Variants in CARNMT1 observed in about 807,000 individuals in gnomAD.
The protein encoded by CARNMT1 is protein-L-histidine N-pros-methyltransferase CARNMT1.
In CARNMT1, 28 loss-of-function variants were observed where a neutral mutation model predicts 49.6. The observed-to-expected ratio is 0.56, with a 90% CI of 0.42 to 0.77. CARNMT1 has a LOEUF of 0.77. CARNMT1 is among the 30% of genes least tolerant of loss of function. The probability of loss-of-function intolerance (pLI) is 0.00; values close to 1 mark genes in which losing one functional copy is unlikely to be tolerated. For synonymous variants in CARNMT1, 178 were observed against 175.0 expected (o/e 1.02, Z -0.13); for missense variants, 421 against 512.6 (o/e 0.82, Z 1.73).
rs1822581572 is a variant in CARNMT1, at chr9:75,028,004, C to T, written c.230+8G>A. On this transcript the variant is annotated splice_region_variant and intron_variant, in intron 1 of 7. Coordinates refer to ENST00000376834, the MANE Select transcript of CARNMT1 (RefSeq NM_152420.3). ...GGTCTGGGCCGGGGTCCGCCACGGGCTCCTTACCCGTAGTAGCGGAAGGCA... is the reference window on the plus strand; with the variant it reads ...GGTCTGGGCCGGGGTCCGCCACGGGTTCCTTACCCGTAGTAGCGGAAGGCA... 6.4e-7 allele frequency: 1 copy of T among 1,561,358 alleles called. No homozygotes were observed. Among genetic ancestry groups the T allele is most frequent in the African/African-American group, 1.4e-5 (1 of 70,180 alleles).
chr9:74,999,972 A>G, intron 3 of CARNMT1, 102 bp from the exon 4 acceptor site: 1 of 1,051,958 alleles, frequency 9.5e-7, no homozygotes, highest in Non-Finnish European at 1.4e-6. Context: ...CTCAATAAGA[A>G]TAAGCTAAGA....
At chr9:75,004,500 T>C (rs1044379849) in intron 3 of CARNMT1, among the ~76,000 whole-genome samples, 2 of 152,226 alleles carry the variant, frequency 1.3e-5, no homozygotes, top group African/African-American at 4.8e-5. Flanking sequence ...GAAAGAAATA[T>C]GAAACACATA....
chr9:74,984,968 G>A lies in CARNMT1; in HGVS notation c.1067C>T (p.Ser356Phe). Residue 356 changes from serine to phenylalanine, a missense_variant, in exon 7 of 8, where the codon TCC becomes TTC. By Grantham distance (155) the Ser-to-Phe change is radical. This residue lies in a region of CARNMT1 where 235 missense variants were observed against 344.8 expected (regional missense o/e 0.68). Transcript: ENST00000376834. The stretch of plus-strand genomic sequence containing the variant: ...TATATCCTCATAGCTCAATTCTATG[G>A]AAAGTTCATTTGCCAGATTTTCAAA... ...YHFENLANEL[S>F]IELSYEDIKN... 1 of 1,613,812 alleles carries A rather than the reference G, an allele frequency of 6.2e-7. No individual in the cohort carries two copies. Among genetic ancestry groups the A allele is most frequent in the South Asian group, 1.1e-5 (1 of 91,076 alleles).
chr9:75,004,585 T>A (rs10869467), intron 3 of CARNMT1, among the ~76,000 whole-genome samples: 38,665 of 152,188 alleles, frequency 0.25, 6,330 homozygotes, highest in Non-Finnish European at 0.37. Flanking sequence ...TTTGGCAGTC[T>A]ACATTTTCTC....
rs1362874677 is a variant in CARNMT1 at position 74,983,407 on chromosome 9, TA to T, written c.*359del. Reference sequence around the variant, plus strand: ...AAAACAACAAAAAAAGGAAGATTATTATGTACTTCAATACTATTAGTCATTA... The same window carrying T: ...AAAACAACAAAAAAAGGAAGATTATTTGTACTTCAATACTATTAGTCATTA... On this transcript the variant is annotated 3_prime_UTR_variant, in exon 8 of 8. Transcript: ENST00000376834. The T allele has an allele frequency of 1.2e-5, 2 of 162,230 alleles. No individual in the cohort carries two copies. The highest frequency in any genetic ancestry group is 4.8e-5 in the African/African-American group (2 of 41,858). The allele number at this position is 162,230 out of a possible 1,614,324, so 10.0% of individuals were successfully genotyped here.
At position 75,004,329 on chromosome 9, in the gene CARNMT1, C is replaced by A. The variant is rs1453499469; in HGVS notation, c.591-4459G>T. 2.6e-5 allele frequency among the ~76,000 whole-genome samples: 4 copies of A among 152,314 alleles called. No individual in the cohort carries two copies. In the South Asian group the frequency reaches 8.3e-4, roughly 32 times the overall value. On this transcript the variant is annotated intron_variant, in intron 3 of 7. Coordinates refer to ENST00000376834, the MANE Select transcript of CARNMT1 (RefSeq NM_152420.3). ...CAATAAAATAAGTAAAAAATGGCAT[C>A]TTAACGTGGTTTTTACATTTGCATT...
At chr9:74,986,967 A>G (rs1048883448) in intron 6 of CARNMT1, among the ~76,000 whole-genome samples, 1 of 152,212 alleles carries the variant, frequency 6.6e-6, no homozygotes, top group Non-Finnish European at 1.5e-5. Flanking sequence ...ACCAAAGACA[A>G]CAGCTGGAGT....
At chr9:75,004,808 T>C (rs1833455537) in intron 3 of CARNMT1, among the ~76,000 whole-genome samples, 1 of 152,190 alleles carries the variant, frequency 6.6e-6, no homozygotes, top group Non-Finnish European at 1.5e-5. Context: ...TGTTTGTGTA[T>C]ATATATTAAA....
At chr9:75,026,589 A>C (rs1822535909) in intron 1 of CARNMT1, among the ~76,000 whole-genome samples, 1 of 152,202 alleles carries the variant, frequency 6.6e-6, no homozygotes, top group Non-Finnish European at 1.5e-5. Context: ...TTACTACTAA[A>C]CCTGGAGAAA....
chr9:74,985,897 G>A (rs1285265953), intron 6 of CARNMT1, among the ~76,000 whole-genome samples: 2 of 152,162 alleles, frequency 1.3e-5, no homozygotes, highest in African/African-American at 4.8e-5. Flanking sequence ...TGACTTTAAT[G>A]TGAGATAATA....
At position 74,981,251 on chromosome 9, in the gene CARNMT1, T is replaced by C. The variant is rs1832685198; in HGVS notation, c.*2516A>G. ...ATTGTACATGTTCCACCTTGCTCAC[T>C]TGATTAGCATACCCTATATCTGCAC... On this transcript the variant is annotated 3_prime_UTR_variant, in exon 8 of 8. Transcript: ENST00000376834. 6.6e-6 allele frequency: 1 copy of C among 152,124 alleles called. No homozygotes were observed. Among genetic ancestry groups the C allele is most frequent in the Non-Finnish European group, 1.5e-5 (1 of 67,976 alleles). The allele number at this position is 152,124 out of a possible 1,614,324, so 9.4% of individuals were successfully genotyped here. A position where few individuals can be genotyped will look rare whatever the true frequency, so the allele number is the denominator to read the frequency against.
intron 1 of CARNMT1, among the ~76,000 whole-genome samples, chr9:75,025,527 T>A (rs1438643589): frequency 1.3e-5 from 2 of 152,252 alleles, no homozygotes; most frequent in Admixed American, 6.5e-5. Flanking sequence ...TAACTTTTTA[T>A]AATAGATTTG....
intron 2 of CARNMT1, 89 bp from the exon 3 acceptor site, chr9:75,016,520 G>A: frequency 3.1e-6 from 4 of 1,276,952 alleles, no homozygotes; most frequent in South Asian, 1.4e-5. Flanking sequence ...GGGCTATATA[G>A]GTGGTTTAGT....
At chr9:75,015,194 T>C (rs1327672782) in intron 3 of CARNMT1, among the ~76,000 whole-genome samples, 2 of 152,170 alleles carry the variant, frequency 1.3e-5, no homozygotes, top group African/African-American at 4.8e-5. Context: ...ACTGATTTTT[T>C]CCCCTCAATT....
chr9:75,018,373 T>C (rs1244288131), intron 1 of CARNMT1, among the ~76,000 whole-genome samples: 3 of 152,108 alleles, frequency 2.0e-5, no homozygotes, highest in Non-Finnish European at 2.9e-5. Context: ...CATAAGAACA[T>C]CATTTTTTAA....
chr9:74,985,474 T>C (rs1228310435), intron 6 of CARNMT1, among the ~76,000 whole-genome samples: 1 of 152,206 alleles, frequency 6.6e-6, no homozygotes. Flanking sequence ...GAAGTAACAT[T>C]AGAGCTGGCT....
At chr9:75,026,985 T>C in intron 1 of CARNMT1, 1 of 832,734 alleles carries the variant, frequency 1.2e-6, no homozygotes, top group Non-Finnish European at 1.8e-6. Flanking sequence ...CTATAATACA[T>C]AAGATGAACA....
intron 1 of CARNMT1, among the ~76,000 whole-genome samples, chr9:75,020,356 C>T (rs1425726913): frequency 1.3e-5 from 2 of 151,252 alleles, no homozygotes; most frequent in Non-Finnish European, 2.9e-5. Context: ...CAACCTCCCC[C>T]TCCCAGGTTC....
chr9:75,023,979 GA>G (rs2118877887), intron 1 of CARNMT1, among the ~76,000 whole-genome samples: 1 of 152,306 alleles, frequency 6.6e-6, no homozygotes, highest in African/African-American at 2.4e-5. Context: ...GATAAGAGGA[GA>G]AAGTAAACTT....
Sources: allele counts gnomAD v4.1 joint callset (sites outside exome capture counted in the v4.1 genomes callset), GRCh38; gene constraint gnomAD v4.1.1; regional missense constraint gnomAD v4.1.1; transcripts MANE v1.5; gene names NCBI Gene and HGNC (gene_info 2026-07-23, HGNC 2026-07-21).